The following ABCA13 variants were observed in gnomAD, a reference collection of about 807,000 sequenced individuals.
The protein encoded by ABCA13 is ATP binding cassette subfamily A member 13.
ABCA13 carries 476 observed loss-of-function variants against 478.7 expected under a neutral mutation model. The observed-to-expected ratio is 0.99, with a 90% CI of 0.92 to 1.07. The LOEUF is 1.07. ABCA13 is among the 50% of genes least tolerant of loss of function. The pLI, the probability that ABCA13 is intolerant of heterozygous loss-of-function variation, is 0.00. For missense variants in ABCA13, 6,060 were observed against 5,910.6 expected, an observed-to-expected ratio of 1.03 and a Z score of -0.83; for synonymous variants, 2,252 against 2,158.9, an observed-to-expected ratio of 1.04 and a Z score of -1.20.
Position 48,278,102 on chromosome 7 carries a change from CA to C in ABCA13, c.6912del (p.Asp2305IlefsTer4). Reference sequence around the variant, plus strand: ...TATATATATATTTACAGTTTTGTCCCAAAAGATAAAATTCTAGAAATTCTGA... The same window carrying C: ...TATATATATATTTACAGTTTTGTCCCAAAGATAAAATTCTAGAAATTCTGA... The part of the protein sequence containing the change: ...KDVIAEMSFV[P>X]KDKILEILKL... On this transcript the variant is annotated frameshift_variant, in exon 18 of 62. Transcript: ENST00000435803. LOFTEE classifies it high-confidence loss of function. The C allele has an allele frequency of 7.8e-7, 1 of 1,283,366 alleles. No individual in the cohort carries two copies. The highest frequency in any genetic ancestry group is 1.0e-6 in the Non-Finnish European group (1 of 972,620). The allele number at this position is 1,283,366 out of a possible 1,614,324, so 79.5% of individuals were successfully genotyped here.
intron 31 of ABCA13, among the ~76,000 whole-genome samples, chr7:48,365,141 T>C (rs1291404017): frequency 1.3e-5 from 2 of 152,176 alleles, no homozygotes; most frequent in Admixed American, 1.3e-4. Flanking sequence ...GTGGGTTTGA[T>C]TTGCATTTTT....
At chr7:48,329,715 A>G (rs1804916158) in intron 27 of ABCA13, among the ~76,000 whole-genome samples, 1 of 151,948 alleles carries the variant, frequency 6.6e-6, no homozygotes, top group Non-Finnish European at 1.5e-5. Flanking sequence ...CCATCCAACC[A>G]TCCATCCATC....
intron 27 of ABCA13, among the ~76,000 whole-genome samples, chr7:48,330,007 A>G (rs887996033): frequency 1.3e-5 from 2 of 151,236 alleles, no homozygotes; most frequent in South Asian, 4.2e-4. Flanking sequence ...CCATCCATTT[A>G]TCTATTCATC....
intron 3 of ABCA13, among the ~76,000 whole-genome samples, chr7:48,213,195 T>C (rs917522208): frequency 6.6e-6 from 1 of 152,204 alleles, no homozygotes; most frequent in East Asian, 1.9e-4. Flanking sequence ...TTAAAATACA[T>C]TGGGACCTTT....
chr7:48,350,875 A>G, intron 30 of ABCA13, 56 bp downstream of exon 30: 1 of 1,547,306 alleles, frequency 6.5e-7, no homozygotes, highest in Non-Finnish European at 8.8e-7. Context: ...GTAAGTTGTC[A>G]TTTTGGGAGT....
At chr7:48,192,881 G>T (rs1713931299) in intron 1 of ABCA13, 78 bp from the exon 2 acceptor site, 2 of 1,113,710 alleles carry the variant, frequency 1.8e-6, no homozygotes. Flanking sequence ...GGATTAAAAT[G>T]ACCTCCTTCA....
chr7:48,626,114 G>A (rs1793639353), intron 59 of ABCA13, among the ~76,000 whole-genome samples: 1 of 152,190 alleles, frequency 6.6e-6, no homozygotes, highest in South Asian at 2.1e-4. Flanking sequence ...TGTTTACATA[G>A]TGCCAGGGTC....
chr7:48,589,464 C>G (rs1413545779), intron 57 of ABCA13, among the ~76,000 whole-genome samples: 1 of 152,054 alleles, frequency 6.6e-6, no homozygotes, highest in Non-Finnish European at 1.5e-5. Context: ...TTAATGAATT[C>G]AACATGTGTT....
intron 3 of ABCA13, among the ~76,000 whole-genome samples, chr7:48,213,798 A>G (rs917233959): frequency 2.6e-5 from 4 of 152,238 alleles, no homozygotes; most frequent in African/African-American, 7.2e-5. Context: ...CATCTTCACC[A>G]GAAGTAGATT....
chr7:48,325,564 T>G (rs1180929506), intron 27 of ABCA13, among the ~76,000 whole-genome samples: 1 of 152,218 alleles, frequency 6.6e-6, no homozygotes, highest in Non-Finnish European at 1.5e-5. Context: ...GTTCTTTTCA[T>G]GGCATCTGCA....
chr7:48,225,147 T>G (rs993060098), intron 5 of ABCA13, among the ~76,000 whole-genome samples: 396 of 100,204 alleles, frequency 4.0e-3, no homozygotes, highest in African/African-American at 9.9e-3. Flanking sequence ...CTTCCTTCCT[T>G]CCTTCCTTCC....
chr7:48,638,550 T>C (rs1427732590), intron 59 of ABCA13, among the ~76,000 whole-genome samples: 1 of 152,238 alleles, frequency 6.6e-6, no homozygotes, highest in Non-Finnish European at 1.5e-5. Flanking sequence ...AAAGGCTCTC[T>C]TTATGTTAAT....
rs188952009 is a variant in ABCA13, at chr7:48,354,026, C to T, written c.10688+1539C>T. On this transcript the variant is annotated intron_variant, in intron 31 of 61. Transcript: ENST00000435803. Reference sequence around the variant, plus strand: ...GAGGTGATAGCAGCAGGAGCAGAACCGAAGAAAAGTGCTGTTGTTGGCTAG... The same window carrying T: ...GAGGTGATAGCAGCAGGAGCAGAACTGAAGAAAAGTGCTGTTGTTGGCTAG... Among the ~76,000 whole-genome samples, 188 of 152,116 alleles carry T rather than the reference C, an allele frequency of 1.2e-3. 1 individual carries two copies. Among genetic ancestry groups the T allele is most frequent in the Non-Finnish European group, 2.3e-3 (154 of 68,036 alleles).
chr7:48,372,141 A>G (rs1433323587), intron 32 of ABCA13, 27 bp from the exon 33 acceptor site: 1 of 1,589,122 alleles, frequency 6.3e-7, no homozygotes, highest in Non-Finnish European at 8.6e-7. Flanking sequence ...TGCTGTGGTA[A>G]CCTTGGGTTT....
Position 48,298,416 on chromosome 7 carries a change from C to T in ABCA13, c.9250C>T (p.Leu3084Phe), listed in dbSNP as rs992912595. 13 of 1,612,890 alleles carry T rather than the reference C, an allele frequency of 8.1e-6. No individual in the cohort carries two copies. Among genetic ancestry groups the T allele is most frequent in the Non-Finnish European group, 9.3e-6 (11 of 1,179,196 alleles). Reference protein sequence around the residue: ...MKNITKLTEELRSSIQISNET... With the variant: ...MKNITKLTEEFRSSIQISNET... ...GAATATCACCAAGTTGACTGAGGAG[C>T]TTCGCTCTTCCATCCAAATCTCGAA... Residue 3084 changes from leucine (L) to phenylalanine (F), a missense_variant, in exon 23 of 62, where the codon CTT (leucine) becomes TTT (phenylalanine). Physicochemically the swap from Leu to Phe is conservative, Grantham distance 22 (BLOSUM62 0). Transcript: ENST00000435803.
chr7:48,450,905 G>A (rs1405367907), intron 42 of ABCA13, among the ~76,000 whole-genome samples: 1 of 149,484 alleles, frequency 6.7e-6, no homozygotes, highest in African/African-American at 2.5e-5. Context: ...CTACATCCTT[G>A]TATTGTAATT....
At chr7:48,543,552 A>G (rs771510789) in intron 55 of ABCA13, among the ~76,000 whole-genome samples, 2 of 151,680 alleles carry the variant, frequency 1.3e-5, no homozygotes, top group East Asian at 3.8e-4. Context: ...TGAACCCAGG[A>G]GTCGGAGGTT....
chr7:48,245,612 G>A lies in ABCA13; in HGVS notation c.1491G>A (p.Gln497=). The A allele has an allele frequency of 1.2e-6, 2 of 1,604,392 alleles. No individual in the cohort carries two copies. Among genetic ancestry groups the A allele is most frequent in the Non-Finnish European group, 1.7e-6 (2 of 1,176,880 alleles). Residue 497 remains glutamine (Q), a splice_region_variant and synonymous_variant, in exon 12 of 62, where the codon CAG becomes CAA. Transcript: ENST00000435803. ...ATGTGTTCTTTTGGGAGCTGAAACA[G>A]GTAAAGCACAACAAATAATTATAAA... ...EKDVFFWELK[Q]MLAKNAVCPN... is the part of the protein sequence containing the mutation.
At chr7:48,202,514 G>A (rs997293626) in intron 3 of ABCA13, among the ~76,000 whole-genome samples, 1 of 151,494 alleles carries the variant, frequency 6.6e-6, no homozygotes, top group African/African-American at 2.4e-5. Flanking sequence ...AGAGCAGCTA[G>A]ATACAGAGTG....
Sources: allele counts gnomAD v4.1 joint callset (sites outside exome capture counted in the v4.1 genomes callset), GRCh38; gene constraint gnomAD v4.1.1; transcripts MANE v1.5; gene names NCBI Gene and HGNC (gene_info 2026-07-23, HGNC 2026-07-21).